The following SKIC8 variants were observed in gnomAD, a reference collection of about 807,000 sequenced individuals.
SKIC8 encodes SKI8 subunit of superkiller complex.
At chr15:78,292,860 C>T in the SKIC8 span, 1 of 1,554,838 alleles carries the variant, frequency 6.4e-7, no homozygotes. Flanking sequence ...AATTCTGGGT[C>T]CCTGTGACTA....
At chr15:78,298,124 C>A in the SKIC8 span, among the ~76,000 whole-genome samples, 3 of 152,174 alleles carry the variant, frequency 2.0e-5, no homozygotes, top group Non-Finnish European at 4.4e-5. Flanking sequence ...GCCAGTTTGG[C>A]TAATGGGAAT....
At chr15:78,288,348 G>A in the SKIC8 span, 6 of 1,613,868 alleles carry the variant, frequency 3.7e-6, no homozygotes, top group Middle Eastern at 1.7e-4. Context: ...GGGAGTCCGG[G>A]GAAAAGGTCA....
chr15:78,284,543 G>A, the SKIC8 span: 1 of 152,220 alleles, frequency 6.6e-6, no homozygotes. Flanking sequence ...GTTAGGACCA[G>A]CAGCCTTGGC....
At chr15:78,294,687 C>T in the SKIC8 span, 1 of 426,322 alleles carries the variant, frequency 2.3e-6, no homozygotes, top group African/African-American at 2.0e-5. Flanking sequence ...ATGTCTTCCT[C>T]AGGTGGAAAA....
At chr15:78,292,585 C>G in the SKIC8 span, 1 of 1,613,864 alleles carries the variant, frequency 6.2e-7, no homozygotes, top group Non-Finnish European at 8.5e-7. Flanking sequence ...TCATGAACCT[C>G]TATTATCTCC....
At chr15:78,295,253 T>C in the SKIC8 span, 1 of 559,958 alleles carries the variant, frequency 1.8e-6, no homozygotes, top group Non-Finnish European at 3.2e-6. Flanking sequence ...TCTTTTTCTG[T>C]TCTGATCACC....
At chr15:78,286,321 ATAG>A in the SKIC8 span, 12 of 555,798 alleles carry the variant, frequency 2.2e-5, no homozygotes, top group African/African-American at 2.3e-4. Context: ...ACAAATTTTA[ATAG>A]TAGCATTAAC....
At chr15:78,290,201 A>G in the SKIC8 span, 5 of 1,243,802 alleles carry the variant, frequency 4.0e-6, no homozygotes, top group African/African-American at 6.1e-5. Flanking sequence ...AAATCGGAGT[A>G]GCAGTGTCCT....
chr15:78,295,532 A>C, the SKIC8 span: 2 of 1,022,786 alleles, frequency 2.0e-6, no homozygotes, highest in Non-Finnish European at 3.1e-6. Flanking sequence ...CACTGTGGTG[A>C]CTAGGTACCC....
chr15:78,285,461 T>C, the SKIC8 span: 6 of 784,272 alleles, frequency 7.7e-6, no homozygotes, highest in Admixed American at 6.4e-5. Flanking sequence ...GTACAGGAAA[T>C]GGCCAGGTAT....
At chr15:78,285,437 A>T in the SKIC8 span, 3 of 1,030,832 alleles carry the variant, frequency 2.9e-6, no homozygotes, top group African/African-American at 4.8e-5. Flanking sequence ...CAGACCCCCC[A>T]ACCCCATGCC....
the SKIC8 span, chr15:78,292,600 C>T: frequency 6.2e-7 from 1 of 1,614,026 alleles, no homozygotes; most frequent in Non-Finnish European, 8.5e-7. Context: ...ATCTCCCCTA[C>T]AAGTAAAACT....
At chr15:78,295,669 T>C in the SKIC8 span, 1 of 1,586,406 alleles carries the variant, frequency 6.3e-7, no homozygotes, top group Non-Finnish European at 8.6e-7. Context: ...TCAACACAGG[T>C]CTTACCTGGT....
chr15:78,294,089 T>G, the SKIC8 span, among the ~76,000 whole-genome samples: 1 of 152,228 alleles, frequency 6.6e-6, no homozygotes, highest in Non-Finnish European at 1.5e-5. Flanking sequence ...GACAGCGTTG[T>G]GGCTTCCATT....
At chr15:78,290,237 T>G in the SKIC8 span, 33 of 893,262 alleles carry the variant, frequency 3.7e-5, no homozygotes, top group Non-Finnish European at 5.0e-5. Context: ...GTTGTAAAGA[T>G]GCTAATTCTT....
chr15:78,285,328 T>C, the SKIC8 span: 1 of 1,614,218 alleles, frequency 6.2e-7, no homozygotes, highest in South Asian at 1.1e-5. Flanking sequence ...TTTTACACTT[T>C]TGTCAGACGA....
chr15:78,285,157 T>TA, the SKIC8 span: 2 of 1,060,038 alleles, frequency 1.9e-6, no homozygotes, highest in Non-Finnish European at 2.9e-6. Flanking sequence ...CCCAGGCATC[T>TA]ACTGGTATCC....
the SKIC8 span, among the ~76,000 whole-genome samples, chr15:78,289,101 A>G: frequency 3.9e-5 from 6 of 152,304 alleles, no homozygotes; most frequent in South Asian, 1.2e-3. Context: ...TGTTACAAGA[A>G]CTAGTATGTC....
chr15:78,292,062 A>AG, the SKIC8 span: 1 of 153,842 alleles, frequency 6.5e-6, no homozygotes, highest in Non-Finnish European at 1.4e-5. Context: ...AAAACAAAAA[A>AG]AATTGATGTT....
Sources: gnomAD v4.1 joint callset for allele counts (sites outside exome capture counted in the v4.1 genomes callset) on GRCh38, gnomAD v4.1.1 for gene constraint, MANE v1.5 for transcripts, NCBI Gene and HGNC (gene_info 2026-07-23, HGNC 2026-07-21) for gene names.